Variants in PRPF4 observed in about 807,000 individuals in gnomAD.
The protein encoded by PRPF4 is pre-mRNA splicing tri-snRNP complex factor PRPF4, also known as U4/U6 small nuclear ribonucleoprotein Prp4.
A neutral mutation model predicts 72.2 loss-of-function variants in PRPF4; 14 were observed. The ratio of observed to expected loss-of-function variants is 0.19; its 90% confidence interval spans 0.13 to 0.30. PRPF4 has a LOEUF of 0.30. Ranked by LOEUF, PRPF4 falls within the 10% of genes least tolerant of loss-of-function variation. The pLI, the probability that PRPF4 is intolerant of heterozygous loss-of-function variation, is 1.00. For synonymous variants in PRPF4, 225 were observed against 232.2 expected, an observed-to-expected ratio of 0.97 and a Z score of 0.28; for missense variants, 478 against 653.9, an observed-to-expected ratio of 0.73 and a Z score of 2.93.
chr9:113,284,390 G>A lies in PRPF4; in HGVS notation c.749+1G>A. Reference sequence around the variant, plus strand: ...CCAAGATGCTGGCCACAGCTTGTTGGTAAGTTCCATTTTACAATGACATTT... The same window carrying A: ...CCAAGATGCTGGCCACAGCTTGTTGATAAGTTCCATTTTACAATGACATTT... On this transcript the variant is annotated splice_donor_variant, in intron 7 of 13. Transcript: ENST00000374198. LOFTEE classifies it high-confidence loss of function. 1 of 1,603,812 alleles carries A rather than the reference G, an allele frequency of 6.2e-7. No individual in the cohort carries two copies. The highest frequency in any genetic ancestry group is 8.5e-7 in the Non-Finnish European group (1 of 1,170,718).
rs539654919 is a variant in PRPF4, at chr9:113,283,330, A to T, written c.561-59A>T. The T allele has an allele frequency of 1.9e-5, 30 of 1,613,128 alleles. No homozygotes were observed. The South Asian group carries it at 3.2e-4, about 17-fold the overall frequency. ...TGAAATTGAGGGGTAGAGTAGGGAT[A>T]CATGTGGGTCCTTGTTTACAACCCT... On this transcript the variant is annotated intron_variant, in intron 5 of 13. Coordinates refer to ENST00000374198, the MANE Select transcript of PRPF4 (RefSeq NM_001244926.2).
At chr9:113,279,341 TTTTG>T (rs1329953304) in intron 3 of PRPF4, among the ~76,000 whole-genome samples, 8 of 49,724 alleles carry the variant, frequency 1.6e-4, no homozygotes, top group African/African-American at 6.1e-4. Flanking sequence ...TTCGTTTTTG[TTTTG>T]TTTTGTTTTG....
intron 7 of PRPF4, 92 bp downstream of exon 7, chr9:113,284,481 C>T (rs1832377108): frequency 9.5e-7 from 1 of 1,048,412 alleles, no homozygotes; most frequent in Non-Finnish European, 1.5e-6. Context: ...ATTTCTACGT[C>T]CTCTTTCTCT....
intron 1 of PRPF4, 70 bp downstream of exon 1, chr9:113,275,840 G>A: frequency 6.3e-7 from 1 of 1,587,224 alleles, no homozygotes; most frequent in South Asian, 1.1e-5. Context: ...CTGCGGGAAG[G>A]GGCCGTTAAG....
Position 113,288,186 on chromosome 9 carries a change from T to A in PRPF4, c.944T>A (p.Val315Glu), listed in dbSNP as rs1224330056. ...TGGTTCCTTTCCAGTGATGAACCAG[T>A]GGCAGATATTGAAGGCCATACAGTG... ...KLWSLDSDEPVADIEGHTVRV... is the reference protein window; with the variant it reads ...KLWSLDSDEPEADIEGHTVRV... The change falls in exon 10 of 14, where the codon GTG becomes GAG. Residue 315 changes from valine (V) to glutamate (E), a missense_variant. Coordinates refer to ENST00000374198, the MANE Select transcript of PRPF4 (RefSeq NM_001244926.2). 1.2e-6 allele frequency: 2 copies of A among 1,614,100 alleles called. No individual in the cohort carries two copies. The highest frequency in any genetic ancestry group is 4.5e-5 in the East Asian group (2 of 44,900).
At chr9:113,276,381 C>T (rs757670228) in intron 1 of PRPF4, among the ~76,000 whole-genome samples, 167 bp from the exon 2 acceptor site, 20 of 152,200 alleles carry the variant, frequency 1.3e-4, no homozygotes, top group Non-Finnish European at 2.2e-4. Context: ...CTCACCCTAC[C>T]TTCACCTCCT....
intron 7 of PRPF4, 30 bp downstream of exon 7, chr9:113,284,419 C>G (rs759359912): frequency 1.3e-6 from 2 of 1,546,352 alleles, no homozygotes; most frequent in South Asian, 2.2e-5. Context: ...GACATTTTTT[C>G]CTAAATGGGG....
chr9:113,286,436 A>G, intron 8 of PRPF4, 146 bp downstream of exon 8: 1 of 880,970 alleles, frequency 1.1e-6, no homozygotes, highest in Non-Finnish European at 1.8e-6. Flanking sequence ...GCAAGACTGG[A>G]CTATCACAAC....
intron 10 of PRPF4, among the ~76,000 whole-genome samples, chr9:113,288,521 C>T (rs902272704): frequency 1.3e-5 from 2 of 151,862 alleles, no homozygotes; most frequent in Non-Finnish European, 2.9e-5. Context: ...ACTGCAACCG[C>T]CGTCTCCCGG....
intron 2 of PRPF4, among the ~76,000 whole-genome samples, chr9:113,278,320 T>C (rs1383819378): frequency 6.6e-6 from 1 of 152,248 alleles, no homozygotes; most frequent in African/African-American, 2.4e-5. Context: ...AGGTTTCTTA[T>C]TGATCCTCCC....
intron 10 of PRPF4, among the ~76,000 whole-genome samples, chr9:113,289,868 A>G (rs1459130862): frequency 6.6e-6 from 1 of 152,188 alleles, no homozygotes; most frequent in Non-Finnish European, 1.5e-5. Flanking sequence ...ATAACAGTGG[A>G]GGAAGAAAGA....
chr9:113,276,829 T>G (rs1832114945), intron 2 of PRPF4, 104 bp downstream of exon 2: 19 of 1,376,080 alleles, frequency 1.4e-5, no homozygotes, highest in Non-Finnish European at 1.7e-5. Flanking sequence ...CAATTTTTTT[T>G]TTTTTAAACA....
chr9:113,275,689 G>T lies in PRPF4; in HGVS notation c.-55G>T, dbSNP rs16931980. ...CCCCTCTGCTGGGCGCGCGGTGGAC[G>T]GTCTGAAAGGGAGTGTTCGGGTTTC... On this transcript the variant is annotated 5_prime_UTR_variant, in exon 1 of 14. Coordinates refer to ENST00000374198, the MANE Select transcript of PRPF4 (RefSeq NM_001244926.2). 14 of 1,575,358 alleles carry T rather than the reference G, an allele frequency of 8.9e-6. No individual in the cohort carries two copies. The highest frequency in any genetic ancestry group is 1.2e-5 in the Non-Finnish European group (14 of 1,160,886).
chr9:113,291,104 GAGCAGTAAA>G, intron 13 of PRPF4, 88 bp downstream of exon 13: 1 of 1,326,020 alleles, frequency 7.5e-7, no homozygotes, highest in South Asian at 1.2e-5. Context: ...TAGCTTAACT[GAGCAGTAAA>G]ACAGGAGAGA....
Position 113,291,617 on chromosome 9 carries a change from C to T in PRPF4, c.1523C>T (p.Thr508Ile), listed in dbSNP as rs766838851. ...TCTTCCGATGGGCAGCTCATAGCCACTTGCTCATATGACAGGACCTTCAAG... is the reference window on the plus strand; with the variant it reads ...TCTTCCGATGGGCAGCTCATAGCCATTTGCTCATATGACAGGACCTTCAAG... ...DISSDGQLIA[T>I]CSYDRTFKLW... The change falls in exon 14 of 14, where the codon ACT becomes ATT. Residue 508 changes from threonine to isoleucine, a missense_variant. Transcript: ENST00000374198. 1.9e-6 allele frequency: 3 copies of T among 1,614,096 alleles called. No homozygotes were observed. Among genetic ancestry groups the T allele is most frequent in the Non-Finnish European group, 2.5e-6 (3 of 1,180,046 alleles).
intron 10 of PRPF4, among the ~76,000 whole-genome samples, chr9:113,289,035 C>T (rs533670789): frequency 1.3e-5 from 2 of 152,304 alleles, no homozygotes; most frequent in African/African-American, 4.8e-5. Context: ...TCCCTCATGC[C>T]CTTTTCCAGC....
chr9:113,285,270 C>G (rs1037112845), intron 7 of PRPF4, among the ~76,000 whole-genome samples: 4 of 147,904 alleles, frequency 2.7e-5, no homozygotes, highest in African/African-American at 1.0e-4. Flanking sequence ...TGGAAGGCCA[C>G]GGCAGGAGGA....
intron 7 of PRPF4, among the ~76,000 whole-genome samples, chr9:113,285,580 G>T (rs566428044): frequency 3.4e-4 from 52 of 151,194 alleles, no homozygotes; most frequent in African/African-American, 1.1e-3. Context: ...GGGTTTCACC[G>T]TGTTAGCCAG....
chr9:113,282,527 C>G, intron 3 of PRPF4, 119 bp from the exon 4 acceptor site: 1 of 739,750 alleles, frequency 1.4e-6, no homozygotes. Flanking sequence ...ATAGTAAAGG[C>G]TTGCTCCCAT....
Sources: allele counts gnomAD v4.1 joint callset (sites outside exome capture counted in the v4.1 genomes callset), GRCh38; gene constraint gnomAD v4.1.1; transcripts MANE v1.5; gene names NCBI Gene and HGNC (gene_info 2026-07-23, HGNC 2026-07-21).